Variants in PHACTR2 observed in about 807,000 individuals in gnomAD.
PHACTR2 encodes the protein chromosome 6 open reading frame 56.
A neutral mutation model predicts 76.0 loss-of-function variants in PHACTR2; 30 were observed. The ratio of observed to expected loss-of-function variants is 0.39; its 90% CI spans 0.30 to 0.54. PHACTR2 has a LOEUF of 0.54. Among genes scored for constraint, PHACTR2 ranks in the 20% least tolerant of loss-of-function variants. PHACTR2 has a pLI of 0.61. For synonymous variants in PHACTR2, 292 were observed against 292.5 expected, an observed-to-expected ratio of 1.00 and a Z score of 0.02; for missense variants, 696 against 781.1, an observed-to-expected ratio of 0.89 and a Z score of 1.30.
chr6:143,576,337 G>C (rs1343277887), intron 1 of PHACTR2, among the ~76,000 whole-genome samples: 1 of 152,186 alleles, frequency 6.6e-6, no homozygotes, highest in African/African-American at 2.4e-5. Flanking sequence ...TTTACAAGTC[G>C]TGGGGTGATT....
At position 143,678,104 on chromosome 6, in the gene PHACTR2, C is replaced by T. The variant is rs1777289213; in HGVS notation, c.-60C>T. 6.5e-7 allele frequency: 1 copy of T among 1,545,160 alleles called. No homozygotes were observed. Among genetic ancestry groups the T allele is most frequent in the South Asian group, 1.2e-5 (1 of 83,918 alleles). ...CCTGGAAGTCTGGCTGGGAGCGGAC[C>T]CATGATCGAAGGACCAAAGGAGCCG... On this transcript the variant is annotated 5_prime_UTR_variant, in exon 1 of 13. Transcript: ENST00000440869. The surrounding 1 kb of genome is among the most constrained non-coding windows in gnomAD (Gnocchi z 6.2).
chr6:143,550,722 A>G lies in PHACTR2; in HGVS notation c.217+13515A>G, dbSNP rs2128427337. On this transcript the variant is annotated intron_variant, in intron 1 of 11. Coordinates refer to the PHACTR2 transcript ENST00000367584. The surrounding 1 kb of genome is among the most constrained non-coding windows in gnomAD (Gnocchi z 4.8). ...AAGAGGCGGGAATAGATTTAAAAAA[A>G]CAAACAACAACAAAAACAAACAAAC... 6.6e-6 allele frequency among the ~76,000 whole-genome samples: 1 copy of G among 152,130 alleles called. No homozygotes were observed. The highest frequency in any genetic ancestry group is 1.9e-4 in the East Asian group (1 of 5,178).
At chr6:143,705,293 ATT>A (rs142316800) in intron 1 of PHACTR2, among the ~76,000 whole-genome samples, 2,595 of 107,864 alleles carry the variant, frequency 0.024, 50 homozygotes, top group African/African-American at 0.068. Flanking sequence ...TAATTTTTGC[ATT>A]TTTTTTTTTT....
chr6:143,675,724 A>G (rs538157448), upstream of PHACTR2, among the ~76,000 whole-genome samples: 1 of 152,212 alleles, frequency 6.6e-6, no homozygotes, highest in African/African-American at 2.4e-5. The surrounding 1 kb of genome is among the most constrained non-coding windows in gnomAD (Gnocchi z 4.9). Context: ...TAAATTCCCT[A>G]GAGAGAGGTA....
At chr6:143,790,676 C>CTTTT (rs758900964) in intron 11 of PHACTR2, among the ~76,000 whole-genome samples, 2 of 140,172 alleles carry the variant, frequency 1.4e-5, no homozygotes, top group Non-Finnish European at 1.5e-5. Context: ...TAACAAGATT[C>CTTTT]TTTTTTTTTT....
intron 1 of PHACTR2, among the ~76,000 whole-genome samples, chr6:143,552,908 A>C (rs1181969784): frequency 7.4e-6 from 1 of 134,458 alleles, no homozygotes; most frequent in African/African-American, 2.7e-5. Flanking sequence ...AAAAAAAAAA[A>C]GCAAAAAACT....
At chr6:143,645,739 G>A (rs181964887) in intron 1 of PHACTR2, among the ~76,000 whole-genome samples, 130 of 152,278 alleles carry the variant, frequency 8.5e-4, no homozygotes, top group Non-Finnish European at 1.6e-3. Flanking sequence ...AAATTGTTTA[G>A]TAAGTCATGT....
intron 1 of PHACTR2, among the ~76,000 whole-genome samples, chr6:143,644,647 G>A (rs1776626034): frequency 6.6e-6 from 1 of 151,514 alleles, no homozygotes; most frequent in Non-Finnish European, 1.5e-5. Flanking sequence ...GTCAGGATAT[G>A]TATTATAATC....
rs143674532 is a variant in PHACTR2, at chr6:143,821,662, G to A, written c.1923-2012G>A. ...AGAGTTTGGAGAACTCACAGAGTGAGACTGCATAAAGCGCAGATGGTAAGA... is the reference window on the plus strand; with the variant it reads ...AGAGTTTGGAGAACTCACAGAGTGAAACTGCATAAAGCGCAGATGGTAAGA... On this transcript the variant is annotated intron_variant, in intron 12 of 12. Coordinates refer to ENST00000440869, the MANE Select transcript of PHACTR2 (RefSeq NM_001100164.2). This position sits in a 1 kb window ranked among gnomAD's most constrained non-coding sequence, Gnocchi z 5.2. Among the ~76,000 whole-genome samples the A allele has an allele frequency of 4.3e-3, 658 of 152,322 alleles. 1 individual carries two copies. The highest frequency in any genetic ancestry group is 6.5e-3 in the Non-Finnish European group (441 of 68,020).
chr6:143,677,753 A>G (rs1271624938), upstream of PHACTR2, among the ~76,000 whole-genome samples: 1 of 152,206 alleles, frequency 6.6e-6, no homozygotes, highest in Non-Finnish European at 1.5e-5. Context: ...TTTGACTTTG[A>G]ACCTTTTAAG....
Position 143,698,845 on chromosome 6 carries a change from A to G in PHACTR2, c.47-13171A>G, listed in dbSNP as rs536483319. On this transcript the variant is annotated intron_variant, in intron 1 of 12. Coordinates refer to ENST00000440869, the MANE Select transcript of PHACTR2 (RefSeq NM_001100164.2). This position sits in a 1 kb window ranked among gnomAD's most constrained non-coding sequence, Gnocchi z 4.3. ...AATGTTTCCGTTCCACAGTGAACAC[A>G]CTTTTCTACAGCCTCATTATTTTTG... Among the ~76,000 whole-genome samples, 1 of 152,172 alleles carries G rather than the reference A, an allele frequency of 6.6e-6. No individual in the cohort carries two copies. The highest frequency in any genetic ancestry group is 1.5e-5 in the Non-Finnish European group (1 of 68,020).
chr6:143,555,718 G>A (rs1397708355), intron 1 of PHACTR2, among the ~76,000 whole-genome samples: 1 of 151,842 alleles, frequency 6.6e-6, no homozygotes, highest in Non-Finnish European at 1.5e-5. Context: ...TCACACAGTA[G>A]CCCCAGCCAG....
At chr6:143,626,311 G>A (rs1325617293) in intron 1 of PHACTR2, among the ~76,000 whole-genome samples, 4 of 152,134 alleles carry the variant, frequency 2.6e-5, no homozygotes, top group Non-Finnish European at 5.9e-5. Flanking sequence ...GCCGAGATGG[G>A]TGGATCACGA....
chr6:143,577,552 C>T (rs180687347), intron 1 of PHACTR2, among the ~76,000 whole-genome samples: 1 of 152,108 alleles, frequency 6.6e-6, no homozygotes, highest in African/African-American at 2.4e-5. Context: ...GATGAGAATG[C>T]CCCGTGTGAG....
rs1334814748 is a variant in PHACTR2, at chr6:143,738,585, T to TA, written c.215-10392dup. ...GGCAACATGACAAAACCCCATCTCTTAAAAAAAATACAAAACAAAAATTAG... is the reference window on the plus strand; with the variant it reads ...GGCAACATGACAAAACCCCATCTCTTAAAAAAAAATACAAAACAAAAATTAG... On this transcript the variant is annotated intron_variant, in intron 2 of 12. Transcript: ENST00000440869. The surrounding 1 kb of genome is among the most constrained non-coding windows in gnomAD (Gnocchi z 4.0). Among the ~76,000 whole-genome samples, 2 of 150,836 alleles carry TA rather than the reference T, an allele frequency of 1.3e-5. No individual in the cohort carries two copies. The highest frequency in any genetic ancestry group is 4.9e-5 in the African/African-American group (2 of 40,996).
rs750342690 is a variant in PHACTR2, at chr6:143,537,874, A to C, written c.217+667A>C. Among the ~76,000 whole-genome samples the C allele has an allele frequency of 6.6e-6, 1 of 152,190 alleles. No homozygotes were observed. The highest frequency in any genetic ancestry group is 2.4e-5 in the African/African-American group (1 of 41,442). On this transcript the variant is annotated intron_variant, in intron 1 of 11. Transcript: ENST00000367584. The surrounding 1 kb of genome is among the most constrained non-coding windows in gnomAD (Gnocchi z 4.4). ...TAATTCCAGAGCTTTGGGAGGCCCA[A>C]GGCCGGCCGATCACTTGAGGTCAAA...
At position 143,760,517 on chromosome 6, in the gene PHACTR2, A is replaced by G. The variant is rs749457242; in HGVS notation, c.571A>G (p.Thr191Ala). Residue 191 changes from threonine to alanine, a missense_variant, in exon 5 of 13, where the codon ACT becomes GCT. Around this residue, in one of 2 missense-constraint regions of PHACTR2, gnomAD observed 460 missense variants for 450.9 expected, o/e 1.02. Coordinates refer to ENST00000440869, the MANE Select transcript of PHACTR2 (RefSeq NM_001100164.2). This position sits in a 1 kb window ranked among gnomAD's most constrained non-coding sequence, Gnocchi z 6.4. Reference protein sequence around the residue: ...KKSPVPPKGATAGASHKGDEV... With the variant: ...KKSPVPPKGAAAGASHKGDEV... ...ATCACCTGTGCCTCCGAAAGGGGCCACTGCTGGGGCCAGCCACAAAGGTGA... is the reference window on the plus strand; with the variant it reads ...ATCACCTGTGCCTCCGAAAGGGGCCGCTGCTGGGGCCAGCCACAAAGGTGA... 3.1e-6 allele frequency: 5 copies of G among 1,613,820 alleles called. No homozygotes were observed. The African/African-American group carries it at 5.3e-5, about 17-fold the overall frequency.
In PHACTR2 at chr6:143,764,963, G is replaced by C. The variant is rs577697773; in HGVS notation, c.695-298G>C. ...CCGGGCTTTTTTCAAGTGAACCATA[G>C]ACAAGGGGCAGAAGATTCTCCCTTT... On this transcript the variant is annotated intron_variant, in intron 5 of 12. Transcript: ENST00000440869. This position sits in a 1 kb window ranked among gnomAD's most constrained non-coding sequence, Gnocchi z 4.7. 6.6e-6 allele frequency among the ~76,000 whole-genome samples: 1 copy of C among 152,084 alleles called. No individual in the cohort carries two copies. Among genetic ancestry groups the C allele is most frequent in the Non-Finnish European group, 1.5e-5 (1 of 68,036 alleles).
rs1317313388 is a variant in PHACTR2, at chr6:143,656,692, A to G, written c.13+48370A>G. ...AATAGATGTGATCATAGAAGAAGCA[A>G]TATCAAGATTTTTCACCAGCCTCTG... is the stretch of plus-strand genomic sequence containing the variant. On this transcript the variant is annotated intron_variant, in intron 1 of 11. Coordinates refer to the PHACTR2 transcript ENST00000305766. This position sits in a 1 kb window ranked among gnomAD's most constrained non-coding sequence, Gnocchi z 5.3. Among the ~76,000 whole-genome samples the G allele has an allele frequency of 6.6e-6, 1 of 152,192 alleles. No homozygotes were observed. Among genetic ancestry groups the G allele is most frequent in the Non-Finnish European group, 1.5e-5 (1 of 68,036 alleles).
Sources: gnomAD v4.1 joint callset for allele counts (sites outside exome capture counted in the v4.1 genomes callset) on GRCh38, gnomAD v4.1.1 for gene constraint, gnomAD v4.1.1 regional missense constraint, Gnocchi (gnomAD v3.1) non-coding constraint, MANE v1.5 for transcripts, NCBI Gene and HGNC (gene_info 2026-07-23, HGNC 2026-07-21) for gene names.